MTUS2: variants seen among roughly 807,000 people sequenced by gnomAD.
MTUS2 encodes the protein microtubule associated scaffold protein 2.
MTUS2 carries 40 observed loss-of-function variants against 114.1 expected under a neutral mutation model. The observed-to-expected ratio is 0.35, with a 90% CI of 0.27 to 0.46. The LOEUF (loss-of-function observed/expected upper bound fraction) is 0.46, where lower values mean the gene tolerates loss of function less well. MTUS2 is among the 20% of genes least tolerant of loss of function. The pLI is 1.00. For missense variants in MTUS2, 1,679 were observed against 1,705.4 expected, an observed-to-expected ratio of 0.98 and a Z score of 0.27; for synonymous variants, 688 against 672.0, an observed-to-expected ratio of 1.02 and a Z score of -0.37.
chr13:28,936,738 A>G (rs1416296990), intron 2 of MTUS2, among the ~76,000 whole-genome samples: 1 of 152,170 alleles, frequency 6.6e-6, no homozygotes, highest in Non-Finnish European at 1.5e-5. Context: ...CCAAAAGCCA[A>G]GAATTGATTG....
chr13:29,133,723 G>A (rs113212534), intron 5 of MTUS2, among the ~76,000 whole-genome samples: 1 of 152,112 alleles, frequency 6.6e-6, no homozygotes, highest in Non-Finnish European at 1.5e-5. Flanking sequence ...CTATCTTTTT[G>A]CAGTACCACA....
intron 6 of MTUS2, among the ~76,000 whole-genome samples, chr13:29,315,208 A>T (rs1899935947): frequency 1.3e-5 from 2 of 152,200 alleles, no homozygotes; most frequent in African/African-American, 2.4e-5. Flanking sequence ...GAGTTAATGA[A>T]TGCAAAATTA....
chr13:29,479,438 G>A (rs1228936663), intron 9 of MTUS2, among the ~76,000 whole-genome samples: 4 of 152,202 alleles, frequency 2.6e-5, no homozygotes, highest in African/African-American at 9.7e-5. Context: ...AGGCAGGAGC[G>A]ATGGTGGCCG....
At chr13:29,040,530 T>G (rs1339544464) in intron 4 of MTUS2, among the ~76,000 whole-genome samples, 1 of 152,106 alleles carries the variant, frequency 6.6e-6, no homozygotes, top group African/African-American at 2.4e-5. Context: ...CTTTAAGGAG[T>G]CTCCACACTG....
chr13:29,216,236 C>T (rs553235556), intron 5 of MTUS2, among the ~76,000 whole-genome samples: 1 of 152,302 alleles, frequency 6.6e-6, no homozygotes, highest in South Asian at 2.1e-4. Context: ...CTTCATCAAG[C>T]TCGAGTGTCC....
chr13:29,211,035 A>G (rs1326425460), intron 5 of MTUS2, among the ~76,000 whole-genome samples: 2 of 152,096 alleles, frequency 1.3e-5, no homozygotes, highest in South Asian at 2.1e-4. Flanking sequence ...AGAGTTCCCA[A>G]GAGATGGTGT....
chr13:29,300,224 T>C (rs1344686040), intron 6 of MTUS2, among the ~76,000 whole-genome samples: 1 of 152,232 alleles, frequency 6.6e-6, no homozygotes, highest in African/African-American at 2.4e-5. Context: ...ATAACACTCT[T>C]GTGACCCACC....
At chr13:28,823,607 C>T (rs888725781) in intron 1 of MTUS2, among the ~76,000 whole-genome samples, 1 of 152,218 alleles carries the variant, frequency 6.6e-6, no homozygotes, top group African/African-American at 2.4e-5. Flanking sequence ...CTCTTCTCAA[C>T]TGGGCCTCAA....
intron 2 of MTUS2, among the ~76,000 whole-genome samples, chr13:28,879,327 G>A (rs1878146278): frequency 6.6e-6 from 1 of 152,110 alleles, no homozygotes; most frequent in South Asian, 2.1e-4. Flanking sequence ...GCCTGCTGGT[G>A]GATAGGAAAA....
At chr13:29,407,447 CTTATTTAT>C (rs199911224) in intron 8 of MTUS2, among the ~76,000 whole-genome samples, 3,434 of 139,360 alleles carry the variant, frequency 0.025, 124 homozygotes, top group African/African-American at 0.075. Flanking sequence ...AGTGATTGTA[CTTATTTAT>C]TTATTTATTT....
intron 5 of MTUS2, among the ~76,000 whole-genome samples, chr13:29,101,571 T>C (rs9506104): frequency 1 from 152,281 of 152,322 alleles, 76,120 homozygotes; most frequent in Middle Eastern, 1. Flanking sequence ...CTGCAGAGCA[T>C]GTTACAACAG....
chr13:29,367,814 G>A (rs1370712021), intron 8 of MTUS2, among the ~76,000 whole-genome samples: 2 of 152,106 alleles, frequency 1.3e-5, no homozygotes, highest in African/African-American at 2.4e-5. Flanking sequence ...AGGGGTCATG[G>A]GTTCCTTTGA....
intron 2 of MTUS2, among the ~76,000 whole-genome samples, chr13:28,960,294 G>A (rs1030556618): frequency 6.6e-6 from 1 of 152,164 alleles, no homozygotes; most frequent in African/African-American, 2.4e-5. Flanking sequence ...TTATAAAATG[G>A]TACAAAGAAT....
At chr13:29,453,939 C>G (rs1024187409) in intron 9 of MTUS2, among the ~76,000 whole-genome samples, 3 of 152,112 alleles carry the variant, frequency 2.0e-5, no homozygotes, top group Non-Finnish European at 2.9e-5. Flanking sequence ...ACTCAAAGAA[C>G]CACTGATACC....
chr13:28,960,861 A>G (rs1883295007), intron 2 of MTUS2, among the ~76,000 whole-genome samples: 1 of 152,204 alleles, frequency 6.6e-6, no homozygotes, highest in South Asian at 2.1e-4. Flanking sequence ...TGTGTGAATT[A>G]TATCTCAATA....
chr13:29,339,211 G>T (rs372269001), intron 7 of MTUS2, among the ~76,000 whole-genome samples: 7 of 152,140 alleles, frequency 4.6e-5, no homozygotes, highest in Non-Finnish European at 1.0e-4. Context: ...GGCTGTGGCC[G>T]GCGTACTTCC....
At chr13:29,062,929 G>T (rs776713582) in intron 4 of MTUS2, among the ~76,000 whole-genome samples, 1 of 152,144 alleles carries the variant, frequency 6.6e-6, no homozygotes, top group African/African-American at 2.4e-5. Flanking sequence ...CATCATTTTC[G>T]TGTTTTTGAA....
rs773690810 is a variant in MTUS2, at chr13:29,025,514, G to A, written c.816G>A (p.Glu272=). ...CACATGTACTGCAGGTGTGCAGTGA[G>A]CACACATCACATTCCGCCCATCCAG... ...VGAHVLQVCS[E]HTSHSAHPEP... The change falls in exon 3 of 16, where the codon GAG becomes GAA. Residue 272 remains glutamate (E), a synonymous_variant. Transcript: ENST00000612955. 12 of 1,613,630 alleles carry A rather than the reference G, an allele frequency of 7.4e-6. No individual in the cohort carries two copies. Among genetic ancestry groups the A allele is most frequent in the East Asian group, 6.7e-5 (3 of 44,870 alleles).
chr13:29,426,760 C>T (rs57713648), intron 8 of MTUS2, among the ~76,000 whole-genome samples: 6 of 152,330 alleles, frequency 3.9e-5, no homozygotes, highest in Non-Finnish European at 5.9e-5. Flanking sequence ...TTTGTAGCAC[C>T]TGTCAGAATT....
Sources: allele counts gnomAD v4.1 joint callset (sites outside exome capture counted in the v4.1 genomes callset), GRCh38; gene constraint gnomAD v4.1.1; transcripts MANE v1.5; gene names NCBI Gene and HGNC (gene_info 2026-07-23, HGNC 2026-07-21).